FGD6: variants seen among roughly 807,000 people sequenced by gnomAD.
FGD6 encodes FYVE, RhoGEF and PH domain containing 6.
A neutral mutation model predicts 149.4 loss-of-function variants in FGD6; 90 were observed. That is an observed-to-expected ratio of 0.60 (90% CI 0.51 to 0.72). FGD6 has a LOEUF of 0.72. Among genes scored for constraint, FGD6 ranks in the 30% least tolerant of loss-of-function variants. The pLI is 0.00. For missense variants in FGD6, 1,437 were observed against 1,684.8 expected (o/e 0.85, Z 2.57); for synonymous variants, 527 against 584.0 (o/e 0.90, Z 1.41).
chr12:95,122,040 C>T (rs957549170), intron 8 of FGD6, among the ~76,000 whole-genome samples: 4 of 152,066 alleles, frequency 2.6e-5, no homozygotes, highest in African/African-American at 7.2e-5. Context: ...TCTATTCTTG[C>T]AATGCTATTG....
At chr12:95,125,957 C>T in intron 8 of FGD6, 1 of 1,426,318 alleles carries the variant, frequency 7.0e-7, no homozygotes, top group Admixed American at 1.7e-5. Flanking sequence ...AGTTTCCATA[C>T]AGTGCCCACC....
At chr12:95,162,089 C>T (rs985781907) in intron 3 of FGD6, among the ~76,000 whole-genome samples, 2 of 137,866 alleles carry the variant, frequency 1.5e-5, no homozygotes, top group African/African-American at 5.6e-5. Flanking sequence ...CATAGTGACA[C>T]CTGAAAAATA....
chr12:95,211,310 G>A, intron 1 of FGD6, 43 bp from the exon 2 acceptor site: 4 of 1,513,988 alleles, frequency 2.6e-6, no homozygotes, highest in Non-Finnish European at 3.5e-6. Context: ...AACAACCAAA[G>A]CACAAAATGA....
At position 95,206,690 on chromosome 12, in the gene FGD6, T is replaced by C. The variant is rs533825737; in HGVS notation, c.2441+2153A>G. ...CCTGGGAGACAGAGAGGGGACCCTG[T>C]CTCCAAAGAAAAAAAAAAAAAAAAA... On this transcript the variant is annotated intron_variant, in intron 2 of 20. Coordinates refer to ENST00000343958, the MANE Select transcript of FGD6 (RefSeq NM_018351.4). Among the ~76,000 whole-genome samples, 39 of 140,692 alleles carry C rather than the reference T, an allele frequency of 2.8e-4. No homozygotes were observed. In the South Asian group the frequency reaches 8.0e-3, roughly 29 times the overall value. 92.3% of individuals were successfully genotyped at this position (140,692 alleles called of 152,430 possible).
rs1565910411 is a variant in FGD6 at position 95,153,743 on chromosome 12, G to A, written c.2587-750C>T. On this transcript the variant is annotated intron_variant, in intron 3 of 20. Transcript: ENST00000343958. Reference sequence around the variant, plus strand: ...AGATGAGAACTTCACCATAAGTAAAGGTATTTTAACTCACAACTTAAATAT... The same window carrying A: ...AGATGAGAACTTCACCATAAGTAAAAGTATTTTAACTCACAACTTAAATAT... 2.0e-5 allele frequency among the ~76,000 whole-genome samples: 3 copies of A among 152,098 alleles called. No homozygotes were observed. The East Asian group carries it at 5.8e-4, about 29-fold the overall frequency.
intron 2 of FGD6, 27 bp from the exon 3 acceptor site, chr12:95,172,771 G>C (rs762105643): frequency 4.0e-5 from 62 of 1,542,056 alleles, no homozygotes; most frequent in Non-Finnish European, 5.4e-5. Context: ...GCAGGTATTA[G>C]TCACCTTCAA....
intron 2 of FGD6, chr12:95,189,230 T>A (rs1881523739): frequency 6.6e-6 from 1 of 152,184 alleles, no homozygotes. Flanking sequence ...GGGGCCAAGA[T>A]TTCAAAGACC....
chr12:95,079,612 T>C lies in FGD6; in HGVS notation c.*1908A>G, dbSNP rs1036121389. On this transcript the variant is annotated 3_prime_UTR_variant, in exon 21 of 21. Transcript: ENST00000343958. ...TGCAACGATTCTAACATGGAAGCCT[T>C]ATTTATGTGATCTTGATTATATAAA... is the stretch of plus-strand genomic sequence containing the variant. The C allele has an allele frequency of 1.3e-4, 20 of 152,202 alleles. No individual in the cohort carries two copies. Among genetic ancestry groups the C allele is most frequent in the African/African-American group, 3.9e-4 (16 of 41,458 alleles). The allele number at this position is 152,202 out of a possible 1,614,324, so 9.4% of individuals were successfully genotyped here.
intron 3 of FGD6, among the ~76,000 whole-genome samples, chr12:95,166,255 T>C (rs940619989): frequency 6.6e-6 from 1 of 152,198 alleles, no homozygotes; most frequent in Admixed American, 6.5e-5. Flanking sequence ...AAGCCAAATT[T>C]GTGGCCCATC....
intron 1 of FGD6, among the ~76,000 whole-genome samples, chr12:95,214,292 A>T (rs1201447346): frequency 6.6e-6 from 1 of 152,252 alleles, no homozygotes; most frequent in Non-Finnish European, 1.5e-5. Flanking sequence ...AAAAATGTAC[A>T]TCCATTTTAA....
intron 19 of FGD6, among the ~76,000 whole-genome samples, chr12:95,085,213 CTTTTTTTTTTT>C (rs34135341): frequency 8.5e-6 from 1 of 118,106 alleles, no homozygotes; most frequent in Non-Finnish European, 1.7e-5. Context: ...ACAGCTCTGC[CTTTTTTTTTTT>C]TTTTTTTTTT....
At chr12:95,102,881 T>C (rs76651634) in intron 14 of FGD6, among the ~76,000 whole-genome samples, 4,711 of 152,304 alleles carry the variant, frequency 0.031, 133 homozygotes, top group Middle Eastern at 0.095. Context: ...TCTCTGAGCC[T>C]CCATTTTTCT....
At chr12:95,137,377 G>A in intron 7 of FGD6, 145 bp downstream of exon 7, 1 of 625,570 alleles carries the variant, frequency 1.6e-6, no homozygotes, top group Non-Finnish European at 2.5e-6. Context: ...CATTTAAATT[G>A]TTCAATTCCA....
intron 8 of FGD6, among the ~76,000 whole-genome samples, chr12:95,129,008 C>G (rs1444174901): frequency 2.0e-5 from 3 of 152,128 alleles, no homozygotes; most frequent in Non-Finnish European, 4.4e-5. Context: ...AGAAATTAGG[C>G]AGTAACTGTG....
At chr12:95,151,294 A>G (rs1007426212) in intron 5 of FGD6, among the ~76,000 whole-genome samples, 1 of 152,164 alleles carries the variant, frequency 6.6e-6, no homozygotes, top group Admixed American at 6.6e-5. Flanking sequence ...GTTTTGAGAC[A>G]GAGTCTTGAT....
At chr12:95,131,393 G>GAC (rs1436237093) in intron 8 of FGD6, among the ~76,000 whole-genome samples, 2 of 152,142 alleles carry the variant, frequency 1.3e-5, no homozygotes, top group East Asian at 3.9e-4. Context: ...ACAGGCGTGA[G>GAC]ACACCACACC....
chr12:95,087,763 T>A (rs1288649112), intron 18 of FGD6, among the ~76,000 whole-genome samples: 1 of 152,204 alleles, frequency 6.6e-6, no homozygotes, highest in East Asian at 1.9e-4. Flanking sequence ...TATATTAATT[T>A]CTTATAAATT....
At chr12:95,187,560 G>A (rs922963090) in intron 2 of FGD6, among the ~76,000 whole-genome samples, 1 of 151,734 alleles carries the variant, frequency 6.6e-6, no homozygotes, top group African/African-American at 2.4e-5. Flanking sequence ...GGCTGAGGCA[G>A]GAGAATCACT....
At chr12:95,111,021 C>T (rs1435149092) in intron 9 of FGD6, among the ~76,000 whole-genome samples, 1 of 152,098 alleles carries the variant, frequency 6.6e-6, no homozygotes, top group Admixed American at 6.6e-5. Context: ...CTTGCTCTGT[C>T]GCCCAGGCTA....
Sources: allele counts gnomAD v4.1 joint callset (sites outside exome capture counted in the v4.1 genomes callset), GRCh38; gene constraint gnomAD v4.1.1; transcripts MANE v1.5; gene names NCBI Gene and HGNC (gene_info 2026-07-23, HGNC 2026-07-21).